The following PPP2R2B variants were observed in gnomAD, a reference collection of about 807,000 sequenced individuals.
PPP2R2B encodes protein phosphatase 2 regulatory subunit Bbeta.
PPP2R2B carries 5 observed loss-of-function variants against 46.0 expected under a neutral mutation model. That is an observed-to-expected ratio of 0.11 (90% CI 0.06 to 0.23). The LOEUF is 0.23. PPP2R2B is among the 10% of genes least tolerant of loss of function. The pLI is 1.00. For missense variants in PPP2R2B, 367 were observed against 575.0 expected (o/e 0.64, Z 3.70); for synonymous variants, 215 against 206.7 (o/e 1.04, Z -0.34).
At chr5:146,788,096 C>T (rs1388912769) in intron 2 of PPP2R2B, among the ~76,000 whole-genome samples, 1 of 152,142 alleles carries the variant, frequency 6.6e-6, no homozygotes, top group Non-Finnish European at 1.5e-5. Flanking sequence ...CCCTCTGCCT[C>T]CTCCATGCCG....
rs183083139 is a variant in PPP2R2B at position 146,603,540 on chromosome 5, G to A, written c.791-3080C>T. On this transcript the variant is annotated intron_variant, in intron 7 of 9. Transcript: ENST00000394411. ...TACCACCATTTATTTGTGGAGTGCC[G>A]GCTTTAGGTAGCACACAGAGGGCAA... 2.5e-3 allele frequency among the ~76,000 whole-genome samples: 376 copies of A among 152,256 alleles called. 1 individual carries two copies. The highest frequency in any genetic ancestry group is 8.5e-3 in the African/African-American group (354 of 41,546).
At chr5:146,705,773 T>C (rs1214184148) in intron 2 of PPP2R2B, among the ~76,000 whole-genome samples, 4 of 152,194 alleles carry the variant, frequency 2.6e-5, no homozygotes, top group African/African-American at 9.6e-5. Context: ...AGTCTGGTTA[T>C]GGCCAAACCC....
intron 7 of PPP2R2B, among the ~76,000 whole-genome samples, chr5:146,635,311 C>T (rs1327866835): frequency 1.3e-5 from 2 of 151,322 alleles, no homozygotes; most frequent in African/African-American, 4.9e-5. Context: ...GGTACATGTG[C>T]AGGTTTATTA....
intron 8 of PPP2R2B, among the ~76,000 whole-genome samples, chr5:146,593,771 G>A (rs1302716935): frequency 6.6e-6 from 1 of 152,196 alleles, no homozygotes; most frequent in Admixed American, 6.5e-5. Context: ...TGGGAGAGGA[G>A]TGAGTAAGCA....
upstream of PPP2R2B, among the ~76,000 whole-genome samples, chr5:147,059,985 G>A (rs1757209931): frequency 6.6e-6 from 1 of 152,066 alleles, no homozygotes. Flanking sequence ...TCTTTTGGGG[G>A]AAGTTTCATC....
chr5:146,733,102 A>G (rs1036157102), intron 2 of PPP2R2B, among the ~76,000 whole-genome samples: 2 of 152,240 alleles, frequency 1.3e-5, no homozygotes, highest in East Asian at 3.8e-4. Context: ...CTAGGTCACC[A>G]TGAACTCTCA....
At chr5:146,853,126 T>G (rs2151384262) in intron 2 of PPP2R2B, among the ~76,000 whole-genome samples, 1 of 152,272 alleles carries the variant, frequency 6.6e-6, no homozygotes, top group Middle Eastern at 3.4e-3. Context: ...ACTTATCTAA[T>G]GTTCTGTTGC....
chr5:146,981,048 T>C (rs1280064497), intron 1 of PPP2R2B, among the ~76,000 whole-genome samples: 1 of 152,216 alleles, frequency 6.6e-6, no homozygotes, highest in Admixed American at 6.5e-5. Context: ...TTTAAAATAC[T>C]GTATTTCTTA....
chr5:146,812,070 C>G (rs1757586984), intron 2 of PPP2R2B, among the ~76,000 whole-genome samples: 1 of 151,932 alleles, frequency 6.6e-6, no homozygotes, highest in African/African-American at 2.4e-5. Context: ...GGGAACTGGG[C>G]CCAAGAGCTC....
At chr5:146,877,923 C>T (rs774164476) in intron 2 of PPP2R2B, 79 bp downstream of exon 2, 4 of 1,505,834 alleles carry the variant, frequency 2.7e-6, no homozygotes, top group Non-Finnish European at 3.6e-6. Flanking sequence ...CGCCACTACG[C>T]GCCCAGCTGC....
At chr5:146,982,025 A>C (rs989835903) in intron 1 of PPP2R2B, among the ~76,000 whole-genome samples, 1 of 152,216 alleles carries the variant, frequency 6.6e-6, no homozygotes, top group Admixed American at 6.5e-5. Context: ...CAAATCAAGG[A>C]AAACTAAATT....
Position 146,706,489 on chromosome 5 carries a change from T to G in PPP2R2B, c.71-5347A>C. Reference sequence around the variant, plus strand: ...ATCTCGATGTCCAGGGTCAGCTTGATGTTCATCAGCTTCTGGTAGGCACGC... The same window carrying G: ...ATCTCGATGTCCAGGGTCAGCTTGAGGTTCATCAGCTTCTGGTAGGCACGC... On this transcript the variant is annotated intron_variant, in intron 2 of 9. Coordinates refer to ENST00000394411, the MANE Select transcript of PPP2R2B (RefSeq NM_181675.4). The G allele has an allele frequency of 2.5e-6, 3 of 1,191,832 alleles. 1 individual carries two copies. In the South Asian group the frequency reaches 3.6e-5, roughly 14 times the overall value. The allele number at this position is 1,191,832 out of a possible 1,614,324, so 73.8% of individuals were successfully genotyped here.
intron 5 of PPP2R2B, among the ~76,000 whole-genome samples, chr5:146,670,562 G>A (rs1777283075): frequency 6.6e-6 from 1 of 151,764 alleles, no homozygotes; most frequent in Non-Finnish European, 1.5e-5. Context: ...GTGGCGCAAT[G>A]TCGGCTCACT....
chr5:146,864,926 G>A (rs1354545977), intron 2 of PPP2R2B, among the ~76,000 whole-genome samples: 3 of 152,136 alleles, frequency 2.0e-5, no homozygotes, highest in Non-Finnish European at 4.4e-5. Context: ...AATTACAAAG[G>A]TATTCCTTGG....
At chr5:146,962,705 C>T (rs569156806) in intron 1 of PPP2R2B, among the ~76,000 whole-genome samples, 22 of 152,062 alleles carry the variant, frequency 1.4e-4, no homozygotes, top group Middle Eastern at 3.4e-3. Context: ...CAATTGATGA[C>T]CCAATCAGAG....
At chr5:146,775,271 C>A (rs543391257) in intron 2 of PPP2R2B, among the ~76,000 whole-genome samples, 174 of 152,168 alleles carry the variant, frequency 1.1e-3, no homozygotes, top group African/African-American at 3.9e-3. Context: ...AGCTCAACAG[C>A]ATATTGAAAG....
chr5:146,951,344 A>C (rs1381495971), intron 1 of PPP2R2B, among the ~76,000 whole-genome samples: 3 of 151,398 alleles, frequency 2.0e-5, no homozygotes, highest in Non-Finnish European at 4.4e-5. Flanking sequence ...AAAGTTCCTC[A>C]TGCCTTTTTT....
At chr5:146,802,384 T>C (rs1756916848) in intron 2 of PPP2R2B, among the ~76,000 whole-genome samples, 1 of 152,216 alleles carries the variant, frequency 6.6e-6, no homozygotes, top group Non-Finnish European at 1.5e-5. Flanking sequence ...GGGCACTGCC[T>C]GGCTTTGGAA....
At chr5:146,737,961 A>C (rs112272121) in intron 2 of PPP2R2B, among the ~76,000 whole-genome samples, 1 of 151,784 alleles carries the variant, frequency 6.6e-6, no homozygotes, top group South Asian at 2.1e-4. Flanking sequence ...CAAAACAAAA[A>C]AAACGTTGTT....
Sources: allele counts gnomAD v4.1 joint callset (sites outside exome capture counted in the v4.1 genomes callset), GRCh38; gene constraint gnomAD v4.1.1; transcripts MANE v1.5; gene names NCBI Gene and HGNC (gene_info 2026-07-23, HGNC 2026-07-21).